The following TSHZ3 variants were observed in gnomAD, a reference collection of about 807,000 sequenced individuals.
TSHZ3 encodes the protein teashirt homolog 3.
In TSHZ3, 10 loss-of-function variants were observed where a neutral mutation model predicts 64.5. The ratio of observed to expected loss-of-function variants is 0.16; its 90% CI spans 0.10 to 0.26. The LOEUF (loss-of-function observed/expected upper bound fraction) is 0.26, where lower values mean the gene tolerates loss of function less well. Ranked by LOEUF, TSHZ3 falls within the 10% of genes least tolerant of loss-of-function variation. The probability of loss-of-function intolerance (pLI) is 1.00; values close to 1 mark genes in which losing one functional copy is unlikely to be tolerated. For missense variants in TSHZ3, 1,242 were observed against 1,421.7 expected (o/e 0.87, Z 2.03); for synonymous variants, 608 against 593.1 (o/e 1.03, Z -0.36).
At chr19:31,234,293 G>T (rs1048482203) in intron 3 of TSHZ3, among the ~76,000 whole-genome samples, 1 of 151,288 alleles carries the variant, frequency 6.6e-6, no homozygotes, top group Non-Finnish European at 1.5e-5. Context: ...TTTTCTATAC[G>T]GATAATGATA....
At chr19:31,296,481 C>T (rs1172915857) in intron 1 of TSHZ3, among the ~76,000 whole-genome samples, 1 of 151,750 alleles carries the variant, frequency 6.6e-6, no homozygotes, top group African/African-American at 2.4e-5. Flanking sequence ...ATTAAAGGTG[C>T]CCGCCACCAT....
chr19:31,199,366 T>C (rs1320047307), intron 5 of TSHZ3, among the ~76,000 whole-genome samples: 3 of 133,364 alleles, frequency 2.2e-5, no homozygotes, highest in Non-Finnish European at 3.1e-5. Flanking sequence ...ATTGCACCAC[T>C]GCACTCCAGC....
intron 1 of TSHZ3, among the ~76,000 whole-genome samples, chr19:31,300,618 T>C (rs965267115): frequency 6.6e-6 from 1 of 152,170 alleles, no homozygotes; most frequent in Non-Finnish European, 1.5e-5. Context: ...CACCACCTCC[T>C]GCTCCAGGTC....
At position 31,243,093 on chromosome 19, in the gene TSHZ3, C is replaced by T. The variant is rs115936723; in HGVS notation, n.64-218G>A. Among the ~76,000 whole-genome samples, 711 of 152,232 alleles carry T rather than the reference C, an allele frequency of 4.7e-3. 5 individuals are homozygous for T. Among genetic ancestry groups the T allele is most frequent in the African/African-American group, 0.016 (682 of 41,546 alleles). Reference sequence around the variant, plus strand: ...ATCCTTTAATCCAGTCAAGTTGATGCCTAAAATTAACCATCACACCCTCCT... The same window carrying T: ...ATCCTTTAATCCAGTCAAGTTGATGTCTAAAATTAACCATCACACCCTCCT... On this transcript the variant is annotated intron_variant and non_coding_transcript_variant, in intron 1 of 6. Transcript: ENST00000651361.
Position 31,227,188 on chromosome 19 carries a change from CA to C in TSHZ3, n.686+816del, listed in dbSNP as rs569910502. On this transcript the variant is annotated intron_variant and non_coding_transcript_variant, in intron 4 of 6. Transcript: ENST00000651361. ...AGATATGGGGTTTCACTATGTTGCC[CA>C]GGCTGGTCTCGAACCCCTGACCTCA... 8.6e-5 allele frequency among the ~76,000 whole-genome samples: 13 copies of C among 151,884 alleles called. No individual in the cohort carries two copies. The South Asian group carries it at 2.5e-3, about 29-fold the overall frequency.
chr19:31,250,995 C>T (rs1975833217), intron 1 of TSHZ3, among the ~76,000 whole-genome samples: 1 of 152,150 alleles, frequency 6.6e-6, no homozygotes, highest in South Asian at 2.1e-4. Context: ...ACCCCACCCA[C>T]CTTTCCACTG....
chr19:31,156,585 G>A (rs927878955), intron 5 of TSHZ3, among the ~76,000 whole-genome samples: 1 of 152,114 alleles, frequency 6.6e-6, no homozygotes, highest in African/African-American at 2.4e-5. Flanking sequence ...GATCTTTATG[G>A]GAGCACCATC....
intron 5 of TSHZ3, among the ~76,000 whole-genome samples, chr19:31,196,088 T>C (rs754492744): frequency 1.1e-4 from 16 of 152,000 alleles, no homozygotes; most frequent in African/African-American, 1.7e-4. Flanking sequence ...TATGTGTGTG[T>C]GTGTATGTAT....
chr19:31,324,077 G>A (rs1169258503), intron 1 of TSHZ3, among the ~76,000 whole-genome samples: 2 of 152,092 alleles, frequency 1.3e-5, no homozygotes, highest in South Asian at 2.1e-4. Context: ...TTTGATGCTG[G>A]CTCTCCGCCC....
At position 31,278,672 on chromosome 19, in the gene TSHZ3, T is replaced by C. The variant is rs868368486; in HGVS notation, c.1121A>G (p.Tyr374Cys). ...NRYGHQNGAS[Y>C]AWHFEARKSQ... ...CTTCCGGGCCTCAAAGTGCCATGCA[T>C]AGCTGGCCCCATTCTGGTGGCCGTA... Residue 374 changes from tyrosine to cysteine, a missense_variant, in exon 2 of 2, where the codon TAT becomes TGT. Transcript: ENST00000240587. The surrounding 1 kb of genome is among the most constrained non-coding windows in gnomAD (Gnocchi z 4.7). 5 of 1,614,156 alleles carry C rather than the reference T, an allele frequency of 3.1e-6. No homozygotes were observed. The highest frequency in any genetic ancestry group is 4.2e-6 in the Non-Finnish European group (5 of 1,180,036).
At chr19:31,326,180 A>G (rs1916925778) in intron 1 of TSHZ3, among the ~76,000 whole-genome samples, 1 of 152,248 alleles carries the variant, frequency 6.6e-6, no homozygotes, top group East Asian at 1.9e-4. Context: ...TATTTAAAAT[A>G]TACTTTTAAT....
intron 5 of TSHZ3, among the ~76,000 whole-genome samples, chr19:31,179,500 A>AAGAT (rs1974665877): frequency 6.6e-6 from 1 of 152,198 alleles, no homozygotes; most frequent in Non-Finnish European, 1.5e-5. Flanking sequence ...AGGGTGGAGG[A>AAGAT]AGATAGAAAG....
At chr19:31,174,823 G>A (rs1226856113) in intron 5 of TSHZ3, among the ~76,000 whole-genome samples, 3 of 152,244 alleles carry the variant, frequency 2.0e-5, no homozygotes, top group African/African-American at 7.2e-5. Flanking sequence ...CTGAACAGGA[G>A]TGGGACCAGG....
intron 1 of TSHZ3, among the ~76,000 whole-genome samples, chr19:31,326,053 A>G (rs1367961621): frequency 2.0e-5 from 3 of 152,238 alleles, no homozygotes; most frequent in Non-Finnish European, 2.9e-5. Flanking sequence ...TATACCCATC[A>G]TTCCATGTAT....
At chr19:31,227,152 G>A (rs1975477587) in intron 4 of TSHZ3, among the ~76,000 whole-genome samples, 1 of 151,238 alleles carries the variant, frequency 6.6e-6, no homozygotes, top group African/African-American at 2.4e-5. Flanking sequence ...ATAACTTTTT[G>A]TATTTTTAGT....
At chr19:31,320,929 C>T (rs1195132043) in intron 1 of TSHZ3, among the ~76,000 whole-genome samples, 2 of 152,188 alleles carry the variant, frequency 1.3e-5, no homozygotes, top group African/African-American at 2.4e-5. Context: ...CCCTTCCCTA[C>T]GGGTCCTGCT....
At chr19:31,150,599 G>A (rs1023011492) in exon 7 of TSHZ3, among the ~76,000 whole-genome samples, 3 of 152,180 alleles carry the variant, frequency 2.0e-5, no homozygotes, top group South Asian at 2.1e-4. Flanking sequence ...GCCCCACTAC[G>A]GGCAGGATGG....
chr19:31,190,192 G>A (rs1437961766), intron 5 of TSHZ3, among the ~76,000 whole-genome samples: 1 of 152,124 alleles, frequency 6.6e-6, no homozygotes, highest in Non-Finnish European at 1.5e-5. Flanking sequence ...CATTAAAGAG[G>A]AACTTCACAG....
intron 5 of TSHZ3, among the ~76,000 whole-genome samples, chr19:31,186,837 T>C (rs1335820502): frequency 6.6e-6 from 1 of 152,218 alleles, no homozygotes. Context: ...TTTTTATATG[T>C]CATTCAAATA....
Sources: allele counts gnomAD v4.1 joint callset (sites outside exome capture counted in the v4.1 genomes callset), GRCh38; gene constraint gnomAD v4.1.1; non-coding constraint Gnocchi (gnomAD v3.1); transcripts MANE v1.5; gene names NCBI Gene and HGNC (gene_info 2026-07-23, HGNC 2026-07-21).